THSD1: variants seen among roughly 807,000 people sequenced by gnomAD.
THSD1 encodes thrombospondin type-1 domain-containing protein 1.
In THSD1, 34 loss-of-function variants were observed where a neutral mutation model predicts 46.3. The ratio of observed to expected loss-of-function variants is 0.74; its 90% CI spans 0.56 to 0.98. The LOEUF (loss-of-function observed/expected upper bound fraction) is 0.98. Among genes scored for constraint, THSD1 ranks in the 50% least tolerant of loss-of-function variants. The probability of loss-of-function intolerance (pLI) is 0.00; values close to 1 mark genes in which losing one functional copy is unlikely to be tolerated. For synonymous variants in THSD1, 407 were observed against 416.5 expected (o/e 0.98, Z 0.28); for missense variants, 1,023 against 1,058.3 (o/e 0.97, Z 0.46).
At position 52,377,873 on chromosome 13, in the gene THSD1, A is replaced by C; in HGVS notation, c.2097T>G (p.Ser699Arg). Reference sequence around the variant, plus strand: ...TTTCAGGAAACAGGTGGGCACCTCGACTCTGAGGCCTAAATCTGTCCTCTG... The same window carrying C: ...TTTCAGGAAACAGGTGGGCACCTCGCCTCTGAGGCCTAAATCTGTCCTCTG... ...EQAEDRFRPQSRGAHLFPEKL... is the reference protein window; with the variant it reads ...EQAEDRFRPQRRGAHLFPEKL... Residue 699 changes from serine to arginine, a missense_variant, in exon 5 of 5, where the codon AGT (serine) becomes AGG (arginine). Transcript: ENST00000258613. The C allele has an allele frequency of 6.2e-7, 1 of 1,614,038 alleles. No individual in the cohort carries two copies.
At chr13:52,388,521 C>T (rs1957750203) in intron 3 of THSD1, among the ~76,000 whole-genome samples, 1 of 152,180 alleles carries the variant, frequency 6.6e-6, no homozygotes, top group Non-Finnish European at 1.5e-5. Flanking sequence ...TCTTGTTGCC[C>T]AGGATGGAGT....
intron 1 of THSD1, among the ~76,000 whole-genome samples, chr13:52,403,118 C>A (rs1182310863): frequency 6.6e-6 from 1 of 152,128 alleles, no homozygotes; most frequent in African/African-American, 2.4e-5. Context: ...CCCAAATGCT[C>A]CCTGCCTGGC....
intron 1 of THSD1, among the ~76,000 whole-genome samples, chr13:52,403,318 C>A (rs1283700488): frequency 6.6e-6 from 1 of 152,112 alleles, no homozygotes; most frequent in African/African-American, 2.4e-5. Context: ...AAGGAGAAAA[C>A]AGACAAATAA....
chr13:52,393,094 C>A (rs1277178207), intron 3 of THSD1, among the ~76,000 whole-genome samples: 1 of 152,084 alleles, frequency 6.6e-6, no homozygotes, highest in Non-Finnish European at 1.5e-5. Context: ...ATTAAACTCC[C>A]AAGCTAGTCT....
At position 52,378,798 on chromosome 13, in the gene THSD1, A is replaced by AAAAC. The variant is rs1566959781; in HGVS notation, c.1181-10_1181-9insGTTT. ...GCTGGATGGCTGGAAAGCTGCAAAA[A>AAAAC]AAAACAAAACAAAACAAACAAACAA... On this transcript the variant is annotated splice_polypyrimidine_tract_variant and intron_variant, in intron 4 of 4. Coordinates refer to ENST00000258613, the MANE Select transcript of THSD1 (RefSeq NM_018676.4). 6 of 1,556,392 alleles carry AAAAC rather than the reference A, an allele frequency of 3.9e-6. No individual in the cohort carries two copies. The highest frequency in any genetic ancestry group is 2.0e-5 in the Admixed American group (1 of 49,480).
Position 52,379,686 on chromosome 13 carries a change from G to T in THSD1, c.1181-897C>A, listed in dbSNP as rs59764165. 2.2e-3 allele frequency among the ~76,000 whole-genome samples: 340 copies of T among 152,028 alleles called. 3 individuals carry two copies. Among genetic ancestry groups the T allele is most frequent in the African/African-American group, 7.9e-3 (327 of 41,450 alleles). ...AACAGGGTTTCACCATGTTGGCCAGGATGGTCTTGAACTCCAGACCTCATG... is the reference window on the plus strand; with the variant it reads ...AACAGGGTTTCACCATGTTGGCCAGTATGGTCTTGAACTCCAGACCTCATG... On this transcript the variant is annotated intron_variant, in intron 4 of 4. Coordinates refer to ENST00000258613, the MANE Select transcript of THSD1 (RefSeq NM_018676.4).
chr13:52,401,405 T>C (rs959742403), intron 2 of THSD1, among the ~76,000 whole-genome samples: 1 of 152,050 alleles, frequency 6.6e-6, no homozygotes, highest in African/African-American at 2.4e-5. Flanking sequence ...GTTCACGCCA[T>C]TCCCTGCCTT....
chr13:52,397,212 A>T lies in THSD1; in HGVS notation c.1021+20T>A. 2.0e-6 allele frequency: 3 copies of T among 1,517,064 alleles called. No individual in the cohort carries two copies. The highest frequency in any genetic ancestry group is 2.7e-6 in the Non-Finnish European group (3 of 1,130,896). The allele number at this position is 1,517,064 out of a possible 1,614,324, so 94.0% of individuals were successfully genotyped here. A position where few individuals can be genotyped will look rare whatever the true frequency, so the allele number is the denominator to read the frequency against. On this transcript the variant is annotated intron_variant, in intron 3 of 4. Transcript: ENST00000258613. ...CATGAAGGATTTGATTTAAAATGTTAAAAAAATCTCAATACAAACCTGTAT... is the reference window on the plus strand; with the variant it reads ...CATGAAGGATTTGATTTAAAATGTTTAAAAAATCTCAATACAAACCTGTAT...
In THSD1 at chr13:52,403,069, A is replaced by C. The variant is rs1036825982; in HGVS notation, c.-81-388T>G. 7 of 574,854 alleles carry C rather than the reference A, an allele frequency of 1.2e-5. No individual in the cohort carries two copies. The Admixed American group carries it at 2.5e-4, about 21-fold the overall frequency. The allele number at this position is 574,854 out of a possible 1,614,324, so 35.6% of individuals were successfully genotyped here. A position where few individuals can be genotyped will look rare whatever the true frequency, so the allele number is the denominator to read the frequency against. The stretch of plus-strand genomic sequence containing the variant: ...CATTTCACACTGATCAATTTACTAA[A>C]TTTCTGCTAAACTTTAATTTAGCAT... On this transcript the variant is annotated intron_variant, in intron 1 of 4. Transcript: ENST00000258613.
At position 52,378,771 on chromosome 13, in the gene THSD1, G is replaced by A; in HGVS notation, c.1199C>T (p.Pro400Leu). Residue 400 changes from proline (P) to leucine (L), a missense_variant, in exon 5 of 5, where the codon CCA becomes CTA. By Grantham distance (98) the Pro-to-Leu change is moderately conservative (BLOSUM62 -3). Around this residue, in one of 3 missense-constraint regions of THSD1, gnomAD observed 429 missense variants for 518.3 expected, o/e 0.83. Transcript: ENST00000258613. ...TGGACCCTGGGGCTGAAGAGGAGAT[G>A]GGCTGGATGGCTGGAAAGCTGCAAA... The part of the protein sequence containing the change: ...EECAAFQPSS[P>L]SPLQPQGPVK... 6.3e-7 allele frequency: 1 copy of A among 1,587,380 alleles called. No individual in the cohort carries two copies. Among genetic ancestry groups the A allele is most frequent in the Non-Finnish European group, 8.5e-7 (1 of 1,169,642 alleles).
At chr13:52,400,924 TG>T (rs1347923111) in intron 2 of THSD1, among the ~76,000 whole-genome samples, 3 of 152,330 alleles carry the variant, frequency 2.0e-5, no homozygotes, top group Admixed American at 1.3e-4. Flanking sequence ...CATACTTTTT[TG>T]TAGAAGGCTG....
intron 3 of THSD1, among the ~76,000 whole-genome samples, chr13:52,389,231 G>T (rs1427238396): frequency 6.6e-6 from 1 of 152,100 alleles, no homozygotes; most frequent in African/African-American, 2.4e-5. Flanking sequence ...CCAAAATGCT[G>T]GGATTACAGG....
rs769719744 is a variant in THSD1, at chr13:52,386,176, TC to T, written c.1031del (p.Gly344AspfsTer66). On this transcript the variant is annotated frameshift_variant, in exon 4 of 5. Coordinates refer to ENST00000258613, the MANE Select transcript of THSD1 (RefSeq NM_018676.4). LOFTEE classifies it high-confidence loss of function. ...TACACTGGCTCCATGGCTGCCACAG[TC>T]CCCAAGTTTCTGCAAGGATATAAGT... ...MLIQRNTETW[G>X]LWQPWSQCSA... 6.2e-7 allele frequency: 1 copy of T among 1,614,014 alleles called. No individual in the cohort carries two copies. Among genetic ancestry groups the T allele is most frequent in the South Asian group, 1.1e-5 (1 of 91,048 alleles).
At chr13:52,396,276 C>A (rs1957809917) in intron 3 of THSD1, among the ~76,000 whole-genome samples, 1 of 152,138 alleles carries the variant, frequency 6.6e-6, no homozygotes, top group South Asian at 2.1e-4. Flanking sequence ...GTAATCCCAG[C>A]ACTTTGGGAG....
intron 3 of THSD1, among the ~76,000 whole-genome samples, chr13:52,393,525 G>A (rs1424221237): frequency 6.6e-6 from 1 of 152,170 alleles, no homozygotes; most frequent in Non-Finnish European, 1.5e-5. Context: ...GGGCATGGCA[G>A]TGCATGCCTG....
At chr13:52,391,666 C>A (rs1386175863) in intron 3 of THSD1, among the ~76,000 whole-genome samples, 1 of 151,858 alleles carries the variant, frequency 6.6e-6, no homozygotes, top group Non-Finnish European at 1.5e-5. Context: ...GCCTCAGGCT[C>A]CTGAGTAGCT....
At position 52,378,108 on chromosome 13, in the gene THSD1, C is replaced by A. The variant is rs772529936; in HGVS notation, c.1862G>T (p.Ser621Ile). 5 of 1,614,202 alleles carry A rather than the reference C, an allele frequency of 3.1e-6. No homozygotes were observed. In the South Asian group the frequency reaches 5.5e-5, roughly 18 times the overall value. Reference protein sequence around the residue: ...VTQASCAISPSQTLIRKSQAR... With the variant: ...VTQASCAISPIQTLIRKSQAR... Reference sequence around the variant, plus strand: ...CTGTGACTTGCGGATCAGAGTCTGGCTGGGGCTTATGGCACAACTGGCCTG... The same window carrying A: ...CTGTGACTTGCGGATCAGAGTCTGGATGGGGCTTATGGCACAACTGGCCTG... Residue 621 changes from serine to isoleucine, a missense_variant, in exon 5 of 5, where the codon AGC becomes ATC. Ser to Ile is a moderately radical substitution (Grantham distance 142, BLOSUM62 -2). This residue lies in a region of THSD1 where 578 missense variants were observed against 497.4 expected (regional missense o/e 1.16). Transcript: ENST00000258613.
At chr13:52,384,308 T>G in intron 4 of THSD1, 2 of 444,250 alleles carry the variant, frequency 4.5e-6, no homozygotes, top group Non-Finnish European at 9.1e-6. Flanking sequence ...GGCCTGTATA[T>G]AAAGGCAAGG....
intron 4 of THSD1, among the ~76,000 whole-genome samples, chr13:52,379,473 CT>C (rs1163168790): frequency 3.7e-4 from 54 of 145,210 alleles, no homozygotes; most frequent in East Asian, 4.0e-4. Context: ...TTTTCTTTTT[CT>C]TTTTTTTTTT....
Sources: gnomAD v4.1 joint callset for allele counts (sites outside exome capture counted in the v4.1 genomes callset) on GRCh38, gnomAD v4.1.1 for gene constraint, gnomAD v4.1.1 regional missense constraint, MANE v1.5 for transcripts, NCBI Gene and HGNC (gene_info 2026-07-23, HGNC 2026-07-21) for gene names.